Variants in LINGO2 observed in about 807,000 individuals in gnomAD.
LINGO2 encodes the protein leucine rich repeat and Ig domain containing 2, also known as leucine-rich repeat and immunoglobulin-like domain-containing nogo receptor-interacting protein 2.
LINGO2 carries 14 observed loss-of-function variants against 30.6 expected under a neutral mutation model. The observed-to-expected ratio is 0.46, with a 90% CI of 0.30 to 0.72. LINGO2 has a LOEUF of 0.72. Among genes scored for constraint, LINGO2 ranks in the 30% least tolerant of loss-of-function variants. LINGO2 has a pLI of 0.07. For missense variants in LINGO2, 729 were observed against 751.7 expected (o/e 0.97, Z 0.35); for synonymous variants, 317 against 288.5 (o/e 1.10, Z -1.00).
the LINGO2 span, among the ~76,000 whole-genome samples, chr9:28,994,842 TCCTTACA>T: frequency 1.4e-4 from 22 of 152,166 alleles, no homozygotes; most frequent in Non-Finnish European, 2.9e-4. Flanking sequence ...CTGGATCCCT[TCCTTACA>T]CCTTATACAA....
intron 3 of LINGO2, among the ~76,000 whole-genome samples, chr9:28,312,863 G>T (rs935461742): frequency 2.6e-5 from 4 of 152,018 alleles, no homozygotes; most frequent in Non-Finnish European, 5.9e-5. Context: ...CTTAATCAGG[G>T]CTCTGTTGTG....
the LINGO2 span, among the ~76,000 whole-genome samples, chr9:29,024,499 A>C: frequency 1.3e-5 from 2 of 152,128 alleles, no homozygotes; most frequent in African/African-American, 4.8e-5. Flanking sequence ...GTTACTGCTA[A>C]TTTGACTATA....
intron 4 of LINGO2, among the ~76,000 whole-genome samples, chr9:28,058,450 A>G (rs1320104540): frequency 6.6e-6 from 1 of 152,174 alleles, no homozygotes; most frequent in Admixed American, 6.5e-5. Flanking sequence ...TATAAAAATG[A>G]CATAACTCAT....
chr9:29,052,955 T>C, the LINGO2 span, among the ~76,000 whole-genome samples: 3 of 152,174 alleles, frequency 2.0e-5, no homozygotes, highest in Non-Finnish European at 4.4e-5. Flanking sequence ...AAGCTTGTTT[T>C]TTTTGAAATC....
intron 4 of LINGO2, among the ~76,000 whole-genome samples, chr9:28,056,918 T>C (rs979365391): frequency 2.6e-5 from 4 of 152,134 alleles, no homozygotes; most frequent in African/African-American, 9.7e-5. Context: ...TGCTACATAA[T>C]TGTCACATAA....
At chr9:28,181,435 C>G (rs769625433) in intron 4 of LINGO2, among the ~76,000 whole-genome samples, 4 of 152,106 alleles carry the variant, frequency 2.6e-5, no homozygotes, top group Non-Finnish European at 2.9e-5. Flanking sequence ...GATATCTCGG[C>G]CAGCAGCATC....
intron 4 of LINGO2, among the ~76,000 whole-genome samples, chr9:28,189,157 C>T (rs938909111): frequency 6.6e-6 from 1 of 151,394 alleles, no homozygotes; most frequent in African/African-American, 2.4e-5. Context: ...CTTTCCAAAC[C>T]ACTCAGAAAT....
At chr9:28,692,475 A>C in the LINGO2 span, among the ~76,000 whole-genome samples, 2 of 152,270 alleles carry the variant, frequency 1.3e-5, no homozygotes, top group South Asian at 4.1e-4. Context: ...ACTCCGTCTC[A>C]AAAAATAAAA....
At chr9:29,046,133 T>G in the LINGO2 span, among the ~76,000 whole-genome samples, 4 of 152,188 alleles carry the variant, frequency 2.6e-5, no homozygotes, top group African/African-American at 9.7e-5. Context: ...TTCTTTCTCT[T>G]GCCTGATTGC....
the LINGO2 span, among the ~76,000 whole-genome samples, chr9:28,771,496 TGTGTGTGTGTGA>T: frequency 0.16 from 17,075 of 107,936 alleles, 1,230 homozygotes; most frequent in Non-Finnish European, 0.21. Context: ...TGTGTGTGTG[TGTGTGTGTGTGA>T]GAGAGAGAGA....
chr9:28,034,232 G>T (rs1010977387), intron 4 of LINGO2, among the ~76,000 whole-genome samples: 1 of 152,208 alleles, frequency 6.6e-6, no homozygotes, highest in African/African-American at 2.4e-5. Flanking sequence ...TAACAACGCA[G>T]CTCCTTTGCT....
At chr9:28,169,997 A>C (rs2133648463) in intron 4 of LINGO2, among the ~76,000 whole-genome samples, 1 of 152,278 alleles carries the variant, frequency 6.6e-6, no homozygotes, top group South Asian at 2.1e-4. Context: ...TATTTTTAAA[A>C]TTATCACTGT....
chr9:27,974,044 G>T (rs1820479133), intron 5 of LINGO2, among the ~76,000 whole-genome samples: 1 of 152,126 alleles, frequency 6.6e-6, no homozygotes, highest in Non-Finnish European at 1.5e-5. Flanking sequence ...AGAGTCAGTG[G>T]TTCATTCTGC....
intron 3 of LINGO2, among the ~76,000 whole-genome samples, chr9:28,339,092 T>G (rs1010079442): frequency 5.9e-5 from 9 of 152,194 alleles, no homozygotes; most frequent in African/African-American, 2.2e-4. Context: ...TCTTAAAATC[T>G]AATGAGATTC....
chr9:28,012,964 C>A (rs7036263), intron 4 of LINGO2, among the ~76,000 whole-genome samples: 1 of 151,896 alleles, frequency 6.6e-6, no homozygotes, highest in Non-Finnish European at 1.5e-5. Context: ...ATTCTGATTG[C>A]GGAATTACAT....
chr9:28,587,662 G>T (rs531219331), intron 1 of LINGO2, among the ~76,000 whole-genome samples: 1 of 151,700 alleles, frequency 6.6e-6, no homozygotes, highest in Non-Finnish European at 1.5e-5. Flanking sequence ...ACAAAGCAAA[G>T]GTCATAGCAA....
At chr9:28,340,901 T>C (rs1318229835) in intron 3 of LINGO2, among the ~76,000 whole-genome samples, 1 of 152,172 alleles carries the variant, frequency 6.6e-6, no homozygotes, top group African/African-American at 2.4e-5. Flanking sequence ...TCTTGTCATT[T>C]ATTTTAGAAA....
At chr9:28,093,014 AC>A (rs1179954158) in intron 4 of LINGO2, among the ~76,000 whole-genome samples, 1 of 152,048 alleles carries the variant, frequency 6.6e-6, no homozygotes, top group Non-Finnish European at 1.5e-5. Flanking sequence ...AGGCTAAGTT[AC>A]TTGTATAGGG....
chr9:28,034,338 C>G (rs542624067), intron 4 of LINGO2, among the ~76,000 whole-genome samples: 1 of 152,278 alleles, frequency 6.6e-6, no homozygotes, highest in East Asian at 1.9e-4. Context: ...TGATCTTGTT[C>G]CCTCTTAGAA....
Sources: gnomAD v4.1 joint callset for allele counts (sites outside exome capture counted in the v4.1 genomes callset) on GRCh38, gnomAD v4.1.1 for gene constraint, MANE v1.5 for transcripts, NCBI Gene and HGNC (gene_info 2026-07-23, HGNC 2026-07-21) for gene names.